The following OSBPL8 variants were observed in gnomAD, a reference collection of about 807,000 sequenced individuals.
The protein encoded by OSBPL8 is oxysterol binding protein like 8, also known as oxysterol-binding protein-related protein 8.
OSBPL8 carries 59 observed loss-of-function variants against 125.5 expected under a neutral mutation model. The observed-to-expected ratio is 0.47, with a 90% CI of 0.38 to 0.58. The LOEUF (loss-of-function observed/expected upper bound fraction) is 0.58, where lower values mean the gene tolerates loss of function less well. Among genes scored for constraint, OSBPL8 ranks in the 20% least tolerant of loss-of-function variants. The probability of loss-of-function intolerance (pLI) is 0.00; values close to 1 mark genes in which losing one functional copy is unlikely to be tolerated. For missense variants in OSBPL8, 758 were observed against 1,047.8 expected, an observed-to-expected ratio of 0.72 and a Z score of 3.82; for synonymous variants, 330 against 338.9, an observed-to-expected ratio of 0.97 and a Z score of 0.29.
intron 10 of OSBPL8, among the ~76,000 whole-genome samples, chr12:76,391,352 A>C (rs940851124): frequency 6.6e-6 from 1 of 152,130 alleles, no homozygotes; most frequent in African/African-American, 2.4e-5. Context: ...AAATCTGTAC[A>C]AAAGGGGGAA....
chr12:76,356,276 A>G (rs1951983048), intron 23 of OSBPL8, among the ~76,000 whole-genome samples: 1 of 152,176 alleles, frequency 6.6e-6, no homozygotes, highest in Admixed American at 6.5e-5. Flanking sequence ...TTCCAATGAA[A>G]TAACAGCCAT....
At chr12:76,362,942 GA>G (rs1952264476) in intron 21 of OSBPL8, among the ~76,000 whole-genome samples, 1 of 152,154 alleles carries the variant, frequency 6.6e-6, no homozygotes. Context: ...TTGCTACAAA[GA>G]GAATAAAATA....
chr12:76,447,607 G>T (rs540602822), intron 4 of OSBPL8, among the ~76,000 whole-genome samples: 1 of 151,800 alleles, frequency 6.6e-6, no homozygotes, highest in Non-Finnish European at 1.5e-5. Flanking sequence ...GCAATGGCGC[G>T]ATCTCGGCTC....
At chr12:76,413,647 G>C (rs980180832) in intron 4 of OSBPL8, among the ~76,000 whole-genome samples, 1 of 152,110 alleles carries the variant, frequency 6.6e-6, no homozygotes, top group African/African-American at 2.4e-5. Flanking sequence ...TTGGCAGTCT[G>C]GTGGATGCAC....
At position 76,435,016 on chromosome 12, in the gene OSBPL8, G is replaced by A. The variant is rs550929473; in HGVS notation, c.217+15835C>T. 3.9e-5 allele frequency among the ~76,000 whole-genome samples: 6 copies of A among 152,172 alleles called. No individual in the cohort carries two copies. The East Asian group carries it at 1.2e-3, about 29-fold the overall frequency. ...CACCACTTCAGAGTATATATCCAAA[G>A]GAAATGAAACCTGTATCTCAAGGAG... On this transcript the variant is annotated intron_variant, in intron 4 of 23. Coordinates refer to ENST00000261183, the MANE Select transcript of OSBPL8 (RefSeq NM_020841.5).
chr12:76,495,130 T>C (rs1194011655), intron 1 of OSBPL8, among the ~76,000 whole-genome samples: 3 of 152,222 alleles, frequency 2.0e-5, no homozygotes, highest in Non-Finnish European at 4.4e-5. Flanking sequence ...GAGAACGTAT[T>C]TAATTTCATT....
rs376910189 is a variant in OSBPL8 at position 76,549,895 on chromosome 12, A to C, written c.-68+9502T>G. On this transcript the variant is annotated intron_variant, in intron 1 of 23. Transcript: ENST00000261183. ...TTTTCAAAGAGTTATTTGAAGATGT[A>C]CTCCAATAAACAGATCAAGCAGATG... is the stretch of plus-strand genomic sequence containing the variant. 5.6e-4 allele frequency among the ~76,000 whole-genome samples: 85 copies of C among 152,016 alleles called. 2 individuals are homozygous for C. The highest frequency in any genetic ancestry group is 2.0e-3 in the African/African-American group (84 of 41,442).
chr12:76,475,534 T>C (rs1490451697), intron 2 of OSBPL8, among the ~76,000 whole-genome samples: 1 of 152,236 alleles, frequency 6.6e-6, no homozygotes, highest in Non-Finnish European at 1.5e-5. Flanking sequence ...ACAAAGATCT[T>C]AATATGAATT....
In OSBPL8 at chr12:76,373,426, AGGAATGGCTTTTAAAC is replaced by A; in HGVS notation, c.1828-9_1834del. 6.3e-7 allele frequency: 1 copy of A among 1,599,378 alleles called. No homozygotes were observed. The highest frequency in any genetic ancestry group is 8.5e-7 in the Non-Finnish European group (1 of 1,170,482). On this transcript the variant is annotated splice_acceptor_variant and splice_polypyrimidine_tract_variant and coding_sequence_variant and intron_variant, in exon 18 of 24. Transcript: ENST00000261183. LOFTEE classifies it high-confidence loss of function. Reference sequence around the variant, plus strand: ...TTGATTAACACAGTCACTACTCCCTAGGAATGGCTTTTAAACGAGAAAATGTTAAACATTTTACTTT... The same window carrying A: ...TTGATTAACACAGTCACTACTCCCTAGAGAAAATGTTAAACATTTTACTTT...
intron 2 of OSBPL8, among the ~76,000 whole-genome samples, chr12:76,486,431 T>A (rs1402513391): frequency 2.6e-5 from 4 of 152,220 alleles, no homozygotes; most frequent in Non-Finnish European, 5.9e-5. Flanking sequence ...AGCTACCAGC[T>A]GACTACATTT....
At chr12:76,463,390 A>G (rs1874982341) in intron 2 of OSBPL8, among the ~76,000 whole-genome samples, 1 of 152,210 alleles carries the variant, frequency 6.6e-6, no homozygotes, top group Non-Finnish European at 1.5e-5. Flanking sequence ...AGGAAGAAAT[A>G]TAAGGAACTC....
chr12:76,417,713 C>G (rs955520577), intron 4 of OSBPL8, among the ~76,000 whole-genome samples: 5 of 152,112 alleles, frequency 3.3e-5, no homozygotes, highest in Non-Finnish European at 7.4e-5. Context: ...TTTCACAAAT[C>G]TACAGGCTAT....
chr12:76,381,354 G>A (rs1953042031), intron 15 of OSBPL8, among the ~76,000 whole-genome samples: 1 of 152,080 alleles, frequency 6.6e-6, no homozygotes, highest in Non-Finnish European at 1.5e-5. Flanking sequence ...AGACATCTGG[G>A]CCTGGAGTAT....
intron 21 of OSBPL8, among the ~76,000 whole-genome samples, chr12:76,364,766 C>A (rs1952349760): frequency 6.6e-6 from 1 of 152,290 alleles, no homozygotes. Context: ...CCTTTGATTA[C>A]TATAGCTTTA....
intron 2 of OSBPL8, among the ~76,000 whole-genome samples, chr12:76,483,184 C>A (rs1002871638): frequency 1.3e-5 from 2 of 151,808 alleles, no homozygotes; most frequent in African/African-American, 4.8e-5. Context: ...GATGTGAACC[C>A]GGGAGACAGG....
chr12:76,399,697 CTTCA>C (rs1394797935), intron 7 of OSBPL8, among the ~76,000 whole-genome samples, 172 bp downstream of exon 7: 1 of 152,188 alleles, frequency 6.6e-6, no homozygotes, highest in African/African-American at 2.4e-5. Context: ...GATTCCTTCT[CTTCA>C]TTAAGATGGG....
intron 15 of OSBPL8, 46 bp from the exon 16 acceptor site, chr12:76,378,596 C>T (rs1234513504): frequency 7.6e-7 from 1 of 1,308,032 alleles, no homozygotes; most frequent in African/African-American, 1.5e-5. Flanking sequence ...CTTATTCAAC[C>T]AATTCAAAAC....
chr12:76,417,686 A>C (rs74103428), intron 4 of OSBPL8, among the ~76,000 whole-genome samples: 1 of 152,282 alleles, frequency 6.6e-6, no homozygotes, highest in African/African-American at 2.4e-5. Context: ...TTCATTTCTA[A>C]AATTTATATC....
chr12:76,443,576 T>C lies in OSBPL8; in HGVS notation c.217+7275A>G, dbSNP rs184192848. On this transcript the variant is annotated intron_variant, in intron 4 of 23. Coordinates refer to ENST00000261183, the MANE Select transcript of OSBPL8 (RefSeq NM_020841.5). The stretch of plus-strand genomic sequence containing the variant: ...CAGGCTGGAGTGCAGTGGCGCGATC[T>C]TGGCTCACTGCAACCTCTGCCTTCC... Among the ~76,000 whole-genome samples, 88 of 152,302 alleles carry C rather than the reference T, an allele frequency of 5.8e-4. 2 individuals carry two copies. The highest frequency in any genetic ancestry group is 2.1e-3 in the African/African-American group (87 of 41,574).
Sources: allele counts gnomAD v4.1 joint callset (sites outside exome capture counted in the v4.1 genomes callset), GRCh38; gene constraint gnomAD v4.1.1; transcripts MANE v1.5; gene names NCBI Gene and HGNC (gene_info 2026-07-23, HGNC 2026-07-21).